Variants in DACH2 observed in about 807,000 individuals in gnomAD.
DACH2 encodes the protein dachshund homolog 2.
DACH2 carries 17 observed loss-of-function variants against 35.8 expected under a neutral mutation model. The observed-to-expected ratio is 0.48, with a 90% CI of 0.33 to 0.71. The LOEUF is 0.71. DACH2 is among the 30% of genes least tolerant of loss of function. DACH2 has a pLI of 0.02. For missense variants in DACH2, 469 were observed against 472.7 expected, an observed-to-expected ratio of 0.99 and a Z score of 0.07; for synonymous variants, 195 against 177.3, an observed-to-expected ratio of 1.10 and a Z score of -0.79.
chrX:86,800,132 AT>A (rs776592926), intron 7 of DACH2, among the ~76,000 whole-genome samples: 1 of 112,476 alleles, frequency 8.9e-6, no homozygotes, highest in East Asian at 2.8e-4. Context: ...TGCATGATAC[AT>A]TTTTTAAAGA....
intron 2 of DACH2, among the ~76,000 whole-genome samples, chrX:86,467,438 C>A (rs957450663): frequency 2.1e-4 from 23 of 111,771 alleles, no homozygotes; most frequent in African/African-American, 7.5e-4. Flanking sequence ...TGGTCAAAGC[C>A]ATTCAACAAG....
intron 1 of DACH2, among the ~76,000 whole-genome samples, chrX:86,313,915 C>A (rs556206343): frequency 8.9e-6 from 1 of 111,892 alleles, no homozygotes; most frequent in East Asian, 2.8e-4. Context: ...TTTGGTAATT[C>A]TTGCAATACT....
chrX:86,343,740 T>G (rs1345704152), intron 1 of DACH2, among the ~76,000 whole-genome samples: 1 of 111,730 alleles, frequency 9.0e-6, no homozygotes, highest in Non-Finnish European at 1.9e-5. Flanking sequence ...CAATTAAAAA[T>G]GTATATAAAA....
intron 1 of DACH2, among the ~76,000 whole-genome samples, chrX:86,344,698 T>A (rs2035469560): frequency 9.0e-6 from 1 of 111,078 alleles, no homozygotes; most frequent in African/African-American, 3.3e-5. Context: ...TAAACACCGC[T>A]TTTATTATAT....
chrX:86,347,554 C>T (rs1202443164), intron 1 of DACH2, among the ~76,000 whole-genome samples: 2 of 112,838 alleles, frequency 1.8e-5, no homozygotes, highest in African/African-American at 6.4e-5. Context: ...TGTCTTCAAC[C>T]AGACAATGAA....
intron 4 of DACH2, among the ~76,000 whole-genome samples, chrX:86,666,224 T>C (rs1450409694): frequency 9.0e-6 from 1 of 110,989 alleles, no homozygotes; most frequent in Non-Finnish European, 1.9e-5. Flanking sequence ...TCCTCTTCTC[T>C]ACTACGTCTA....
intron 1 of DACH2, among the ~76,000 whole-genome samples, chrX:86,333,603 C>A (rs931785012): frequency 9.0e-6 from 1 of 111,554 alleles, no homozygotes; most frequent in Non-Finnish European, 1.9e-5. Context: ...ATAAACCTGA[C>A]AATCCTTTAT....
chrX:86,524,265 G>A (rs147043017), intron 3 of DACH2, among the ~76,000 whole-genome samples: 2 of 112,310 alleles, frequency 1.8e-5, no homozygotes, highest in Non-Finnish European at 3.8e-5. Flanking sequence ...CTGCTGACAG[G>A]GGGTGGAGTT....
intron 6 of DACH2, among the ~76,000 whole-genome samples, chrX:86,724,255 T>C (rs1794800133): frequency 9.0e-6 from 1 of 111,650 alleles, no homozygotes. Flanking sequence ...TGATTATTGC[T>C]CTTTCTCCTT....
At chrX:86,731,770 C>T (rs1028316664) in intron 6 of DACH2, among the ~76,000 whole-genome samples, 2 of 111,811 alleles carry the variant, frequency 1.8e-5, no homozygotes, top group African/African-American at 6.5e-5. Flanking sequence ...ATACACCTGG[C>T]TAAGCCTTTT....
intron 1 of DACH2, among the ~76,000 whole-genome samples, chrX:86,245,763 A>G (rs935542918): frequency 8.9e-6 from 1 of 112,115 alleles, no homozygotes; most frequent in Non-Finnish European, 1.9e-5. Context: ...GCAGTTCTAT[A>G]AGCCAGAATA....
chrX:86,764,339 C>T (rs1195457766), intron 7 of DACH2, among the ~76,000 whole-genome samples: 4 of 111,214 alleles, frequency 3.6e-5, no homozygotes, highest in Admixed American at 9.6e-5. Context: ...TCAGTAAACA[C>T]GGTACTGAAC....
At chrX:86,181,179 T>TCTATCTAA (rs1196187406) in intron 1 of DACH2, among the ~76,000 whole-genome samples, 1 of 109,376 alleles carries the variant, frequency 9.1e-6, no homozygotes. Context: ...TATCTATCTA[T>TCTATCTAA]CTATCTATCT....
chrX:86,304,383 C>T (rs1450742438), intron 1 of DACH2: 2 of 112,079 alleles, frequency 1.8e-5, no homozygotes, highest in African/African-American at 6.5e-5. Flanking sequence ...AAGGAATCAA[C>T]TTTGAGAGCT....
At chrX:86,820,708 T>C (rs977588573) in intron 11 of DACH2, among the ~76,000 whole-genome samples, 9 of 111,299 alleles carry the variant, frequency 8.1e-5, no homozygotes, top group Admixed American at 1.9e-4. Flanking sequence ...CCTTATGGCG[T>C]AGAACATTTA....
chrX:86,326,269 G>A (rs1174713798), intron 1 of DACH2, among the ~76,000 whole-genome samples: 1 of 110,409 alleles, frequency 9.1e-6, no homozygotes, highest in Admixed American at 9.8e-5. Context: ...GAGGTCAGGA[G>A]TTTGAGAGCA....
In DACH2 at chrX:86,148,553, G is replaced by C. The variant is rs1024092641; in HGVS notation, c.-68G>C. ...AGAGCGAGAGTGAGGGAGTGAGTGC[G>C]AGGGGATCTAGAGGAGTCAGGGCGA... On this transcript the variant is annotated 5_prime_UTR_variant, in exon 1 of 12. Coordinates refer to ENST00000373125, the MANE Select transcript of DACH2 (RefSeq NM_053281.3). 1.6e-5 allele frequency: 17 copies of C among 1,083,044 alleles called. No individual in the cohort carries two copies. Among genetic ancestry groups the C allele is most frequent in the Middle Eastern group, 3.7e-4 (1 of 2,739 alleles). The allele number at this position is 1,083,044 out of a possible 1,213,427, so 89.3% of individuals were successfully genotyped here.
At chrX:86,776,272 T>C (rs899766178) in intron 7 of DACH2, among the ~76,000 whole-genome samples, 1 of 111,412 alleles carries the variant, frequency 9.0e-6, no homozygotes, top group African/African-American at 3.3e-5. Context: ...CCATGTCTGG[T>C]GAGAGCCTGT....
At chrX:86,574,940 A>T (rs887330486) in intron 3 of DACH2, among the ~76,000 whole-genome samples, 10 of 112,013 alleles carry the variant, frequency 8.9e-5, no homozygotes, top group African/African-American at 3.2e-4. Context: ...AAGTTAAAAA[A>T]TATCTCTCAT....
Sources: allele counts gnomAD v4.1 joint callset (sites outside exome capture counted in the v4.1 genomes callset), GRCh38; gene constraint gnomAD v4.1.1; transcripts MANE v1.5; gene names NCBI Gene and HGNC (gene_info 2026-07-23, HGNC 2026-07-21).